ATL1: variants seen among roughly 807,000 people sequenced by gnomAD.
ATL1 encodes atlastin GTPase 1, also known as atlastin-1.
In ATL1, 31 loss-of-function variants were observed where a neutral mutation model predicts 75.5. The observed-to-expected ratio is 0.41, with a 90% CI of 0.31 to 0.55. The LOEUF (loss-of-function observed/expected upper bound fraction) is 0.55, where lower values mean the gene tolerates loss of function less well. Ranked by LOEUF, ATL1 falls within the 20% of genes least tolerant of loss-of-function variation. The pLI is 0.27. For synonymous variants in ATL1, 226 were observed against 233.3 expected (o/e 0.97, Z 0.28); for missense variants, 405 against 662.6 (o/e 0.61, Z 4.27).
At chr14:50,537,748 G>A (rs2038512900) in intron 1 of ATL1, among the ~76,000 whole-genome samples, 3 of 152,256 alleles carry the variant, frequency 2.0e-5, no homozygotes, top group Admixed American at 6.5e-5. Flanking sequence ...CTTGATTTCA[G>A]ACTTGCAGGG....
chr14:50,538,839 T>C (rs1383551933), intron 1 of ATL1, among the ~76,000 whole-genome samples: 1 of 152,208 alleles, frequency 6.6e-6, no homozygotes, highest in Non-Finnish European at 1.5e-5. Flanking sequence ...GATGGGTTCT[T>C]GCTCTGTTGC....
rs370247864 is a variant in ATL1, at chr14:50,545,451, C to A, written c.-140+12084C>A. On this transcript the variant is annotated intron_variant, in intron 1 of 13. Coordinates refer to the ATL1 transcript ENST00000441560. ...GCAGTGGGAATCCCAGGGTGGTCGA[C>A]GGCATCCATGTGGGGTGAAATAGTC... Among the ~76,000 whole-genome samples the A allele has an allele frequency of 3.9e-5, 6 of 152,216 alleles. No individual in the cohort carries two copies. The East Asian group carries it at 7.7e-4, about 20-fold the overall frequency.
chr14:50,590,561 G>A (rs959681503), intron 2 of ATL1, among the ~76,000 whole-genome samples: 1 of 152,088 alleles, frequency 6.6e-6, no homozygotes, highest in African/African-American at 2.4e-5. Context: ...AACATCCTAT[G>A]TGGTCTTGCC....
intron 8 of ATL1, among the ~76,000 whole-genome samples, chr14:50,615,142 G>A (rs1312428022): frequency 6.6e-6 from 1 of 152,202 alleles, no homozygotes; most frequent in Admixed American, 6.5e-5. Flanking sequence ...GGGGAGGTAG[G>A]AGTCTGAGGA....
At chr14:50,571,378 A>C (rs1309416844) in intron 1 of ATL1, among the ~76,000 whole-genome samples, 1 of 152,112 alleles carries the variant, frequency 6.6e-6, no homozygotes, top group Non-Finnish European at 1.5e-5. Context: ...AATTGACTGA[A>C]ATTAACTGCA....
chr14:50,548,387 A>G (rs1411619783), intron 1 of ATL1, among the ~76,000 whole-genome samples: 1 of 152,202 alleles, frequency 6.6e-6, no homozygotes, highest in Non-Finnish European at 1.5e-5. Context: ...AAGCCCAAGC[A>G]CTAGAGGTCC....
intron 1 of ATL1, among the ~76,000 whole-genome samples, chr14:50,577,235 T>C (rs1386148355): frequency 6.6e-6 from 1 of 152,102 alleles, no homozygotes; most frequent in African/African-American, 2.4e-5. Flanking sequence ...GCTAATTTTT[T>C]GTATTTTTAG....
intron 6 of ATL1, among the ~76,000 whole-genome samples, chr14:50,608,593 T>C (rs529271262): frequency 3.9e-5 from 6 of 152,016 alleles, no homozygotes; most frequent in Non-Finnish European, 7.4e-5. Flanking sequence ...ATATTGCTAA[T>C]TTTAAAAAAT....
At chr14:50,621,949 A>G in intron 10 of ATL1, 50 bp downstream of exon 10, 1 of 1,249,284 alleles carries the variant, frequency 8.0e-7, no homozygotes, top group East Asian at 2.3e-5. Context: ...TAAGGCTAAG[A>G]TTTCTGGCTG....
rs1037852987 is a variant in ATL1 at position 50,616,298 on chromosome 14, C to T, written c.862+1787C>T. ...ACAGGTGTGAGCCACTGCACCCAGG[C>T]AATTATTATTTTTTTAGAGATGGGG... On this transcript the variant is annotated intron_variant, in intron 8 of 13. Coordinates refer to ENST00000358385, the MANE Select transcript of ATL1 (RefSeq NM_015915.5). Among the ~76,000 whole-genome samples the T allele has an allele frequency of 4.6e-5, 7 of 151,496 alleles. No homozygotes were observed. In the East Asian group the frequency reaches 1.4e-3, roughly 30 times the overall value.
At chr14:50,552,797 A>G (rs1241920931) in intron 1 of ATL1, among the ~76,000 whole-genome samples, 1 of 152,224 alleles carries the variant, frequency 6.6e-6, no homozygotes, top group Non-Finnish European at 1.5e-5. Context: ...GTGCTGGGAT[A>G]ACTGGCAAGC....
chr14:50,618,690 T>G (rs1448389438), intron 8 of ATL1, among the ~76,000 whole-genome samples: 1 of 152,176 alleles, frequency 6.6e-6, no homozygotes, highest in Non-Finnish European at 1.5e-5. Context: ...TTTGAATCTT[T>G]AAGGCCTTCA....
intron 1 of ATL1, among the ~76,000 whole-genome samples, chr14:50,543,540 G>A (rs1002492753): frequency 6.6e-6 from 1 of 152,166 alleles, no homozygotes; most frequent in Non-Finnish European, 1.5e-5. Flanking sequence ...GAGAAGTGTG[G>A]CAGCAGAGTC....
At chr14:50,596,589 A>G (rs561016834) in intron 6 of ATL1, among the ~76,000 whole-genome samples, 7 of 152,230 alleles carry the variant, frequency 4.6e-5, no homozygotes, top group Non-Finnish European at 7.3e-5. Context: ...GCCACAAAGC[A>G]GGTCTCCACA....
chr14:50,576,582 A>T (rs1005169396), intron 1 of ATL1, among the ~76,000 whole-genome samples: 1 of 152,210 alleles, frequency 6.6e-6, no homozygotes, highest in Non-Finnish European at 1.5e-5. Context: ...TCTGAATGAA[A>T]AAAAAATTTT....
At chr14:50,591,823 T>C in intron 4 of ATL1, 184 bp downstream of exon 4, 1 of 561,100 alleles carries the variant, frequency 1.8e-6, no homozygotes, top group South Asian at 2.2e-5. Flanking sequence ...TACTGTAGTT[T>C]AATTACTGAC....
chr14:50,629,319 C>A (rs542750894), intron 12 of ATL1, among the ~76,000 whole-genome samples: 45 of 152,258 alleles, frequency 3.0e-4, no homozygotes, highest in African/African-American at 9.9e-4. Flanking sequence ...CGGTGGCTCA[C>A]GCCTGTAATC....
At chr14:50,597,250 A>AT (rs2039229087) in intron 6 of ATL1, among the ~76,000 whole-genome samples, 1 of 151,550 alleles carries the variant, frequency 6.6e-6, no homozygotes, top group South Asian at 2.1e-4. Context: ...AGAAAAAAGA[A>AT]TAACAGACAA....
rs191754856 is a variant in ATL1 at position 50,595,666 on chromosome 14, T to C, written c.630+34T>C. ...GTGTTAAATGATGGTAAATTCTTAC[T>C]AGATTTTCCTGAAGACTGTAACCAG... On this transcript the variant is annotated intron_variant, in intron 6 of 13. Transcript: ENST00000358385. 41 of 1,598,120 alleles carry C rather than the reference T, an allele frequency of 2.6e-5. No homozygotes were observed. The East Asian group carries it at 7.4e-4, about 29-fold the overall frequency.
Sources: allele counts gnomAD v4.1 joint callset (sites outside exome capture counted in the v4.1 genomes callset), GRCh38; gene constraint gnomAD v4.1.1; transcripts MANE v1.5; gene names NCBI Gene and HGNC (gene_info 2026-07-23, HGNC 2026-07-21).